ZNF513: variants seen among roughly 807,000 people sequenced by gnomAD.
ZNF513 encodes the protein zinc finger protein 513.
ZNF513 carries 16 observed loss-of-function variants against 39.7 expected under a neutral mutation model. The ratio of observed to expected loss-of-function variants is 0.40; its 90% CI spans 0.27 to 0.61. ZNF513 has a LOEUF of 0.61. Among genes scored for constraint, ZNF513 ranks in the 20% least tolerant of loss-of-function variants. The pLI is 0.39. For missense variants in ZNF513, 699 were observed against 743.6 expected, an observed-to-expected ratio of 0.94 and a Z score of 0.70; for synonymous variants, 348 against 296.5, an observed-to-expected ratio of 1.17 and a Z score of -1.79.
At position 27,378,577 on chromosome 2, in the gene ZNF513, C is replaced by T. The variant is rs560428901; in HGVS notation, c.689G>A (p.Gly230Glu). The T allele has an allele frequency of 1.4e-5, 23 of 1,613,916 alleles. No individual in the cohort carries two copies. The highest frequency in any genetic ancestry group is 1.9e-5 in the Non-Finnish European group (23 of 1,179,996). ...GGTCGGGCAGGGAGGAGTGGGGGGC[C>T]CTGCGTGGGTACGCTGATGCCGCCT... ...NLRRHQRTHA[G>E]PPTPPCPTCG... Residue 230 changes from glycine (G) to glutamate (E), a missense_variant, in exon 3 of 4, where the codon GGG becomes GAG. Gly to Glu is a moderately conservative substitution (Grantham distance 98). This residue lies in a region of ZNF513 where 530 missense variants were observed against 499.3 expected (regional missense o/e 1.06). Transcript: ENST00000323703. This position sits in a 1 kb window ranked among gnomAD's most constrained non-coding sequence, Gnocchi z 8.0.
intron 1 of ZNF513, 55 bp downstream of exon 1, chr2:27,380,417 C>A: frequency 6.3e-7 from 1 of 1,576,614 alleles, no homozygotes; most frequent in Non-Finnish European, 8.6e-7. Context: ...TGACCTGAGC[C>A]CACTCCACTG....
In ZNF513 at chr2:27,378,810, G is replaced by A. The variant is rs1480804121; in HGVS notation, c.456C>T (p.Cys152=). 3.1e-6 allele frequency: 5 copies of A among 1,613,322 alleles called. No homozygotes were observed. The highest frequency in any genetic ancestry group is 2.2e-5 in the East Asian group (1 of 44,834). Residue 152 remains cysteine (C), a synonymous_variant, in exon 3 of 4, where the codon TGC becomes TGT. Coordinates refer to ENST00000323703, the MANE Select transcript of ZNF513 (RefSeq NM_144631.6). The surrounding 1 kb of genome is among the most constrained non-coding windows in gnomAD (Gnocchi z 8.0). ...PLLPPRLLYS[C]RLCTFVSHYS... ...AGTGGGACACGAAGGTGCAGAGGCGGCATGAGTACAGTAGCCGTGGGGGCA... is the reference window on the plus strand; with the variant it reads ...AGTGGGACACGAAGGTGCAGAGGCGACATGAGTACAGTAGCCGTGGGGGCA...
intron 2 of ZNF513, 81 bp downstream of exon 2, chr2:27,380,012 T>C (rs920844949): frequency 5.7e-6 from 9 of 1,565,770 alleles, no homozygotes; most frequent in Non-Finnish European, 7.9e-6. Flanking sequence ...CAGGAAATGG[T>C]GTTCTGTTCA....
rs928720081 is a variant in ZNF513, at chr2:27,380,733, C to G, written c.-207G>C. The G allele has an allele frequency of 5.6e-5, 50 of 885,032 alleles. No individual in the cohort carries two copies. Among genetic ancestry groups the G allele is most frequent in the East Asian group, 1.0e-4 (3 of 29,998 alleles). The allele number at this position is 885,032 out of a possible 1,614,324, so 54.8% of individuals were successfully genotyped here. On this transcript the variant is annotated 5_prime_UTR_variant, in exon 1 of 4. Coordinates refer to ENST00000323703, the MANE Select transcript of ZNF513 (RefSeq NM_144631.6). Reference sequence around the variant, plus strand: ...CCGCCGCTTCCATTCATGGAGCCCCCTACCCCCCTACGGAGACCAGCTGGT... The same window carrying G: ...CCGCCGCTTCCATTCATGGAGCCCCGTACCCCCCTACGGAGACCAGCTGGT...
chr2:27,377,417 C>G lies in ZNF513; in HGVS notation c.*128G>C. On this transcript the variant is annotated 3_prime_UTR_variant, in exon 4 of 4. Coordinates refer to ENST00000323703, the MANE Select transcript of ZNF513 (RefSeq NM_144631.6). The surrounding 1 kb of genome is among the most constrained non-coding windows in gnomAD (Gnocchi z 4.4). Reference sequence around the variant, plus strand: ...CAAGGTCCCCTGGTCCATATGGGCCCCCCCGCCCATGGGGTTGGGCTGGTC... The same window carrying G: ...CAAGGTCCCCTGGTCCATATGGGCCGCCCCGCCCATGGGGTTGGGCTGGTC... The G allele has an allele frequency of 9.6e-7, 1 of 1,041,080 alleles. No homozygotes were observed. Among genetic ancestry groups the G allele is most frequent in the Non-Finnish European group, 1.4e-6 (1 of 691,388 alleles). The allele number at this position is 1,041,080 out of a possible 1,614,324, so 64.5% of individuals were successfully genotyped here.
chr2:27,380,361 G>A (rs1399721836), intron 1 of ZNF513, 111 bp downstream of exon 1: 20 of 1,599,450 alleles, frequency 1.3e-5, no homozygotes, highest in Non-Finnish European at 1.6e-5. Flanking sequence ...TGGGAAGCTA[G>A]GAGTCTGGAT....
chr2:27,377,873 C>T lies in ZNF513; in HGVS notation c.1298G>A (p.Arg433His), dbSNP rs1409868479. The T allele has an allele frequency of 6.2e-7, 1 of 1,614,168 alleles. No homozygotes were observed. The highest frequency in any genetic ancestry group is 8.5e-7 in the Non-Finnish European group (1 of 1,180,038). Residue 433 changes from arginine (R) to histidine (H), a missense_variant, in exon 4 of 4, where the codon CGT becomes CAT. Physicochemically the swap from Arg to His is conservative, Grantham distance 29 (BLOSUM62 0). This residue lies in a region of ZNF513 where 98 missense variants were observed against 180.2 expected (regional missense o/e 0.54). Transcript: ENST00000323703. This position sits in a 1 kb window ranked among gnomAD's most constrained non-coding sequence, Gnocchi z 4.4. ...GTCACCAGAGTGGATGCGACCATGA[C>T]GCTTGAGGTTGGCCAGATTGCCACA... Reference protein sequence around the residue: ...YACGNLANLKRHGRIHSGDKP... With the variant: ...YACGNLANLKHHGRIHSGDKP...
rs1213534945 is a variant in ZNF513 at position 27,377,481 on chromosome 2, C to T, written c.*64G>A. 1.3e-6 allele frequency: 2 copies of T among 1,558,024 alleles called. No homozygotes were observed. The highest frequency in any genetic ancestry group is 1.8e-6 in the Non-Finnish European group (2 of 1,132,968). On this transcript the variant is annotated 3_prime_UTR_variant, in exon 4 of 4. Transcript: ENST00000323703. This position sits in a 1 kb window ranked among gnomAD's most constrained non-coding sequence, Gnocchi z 4.4. The stretch of plus-strand genomic sequence containing the variant: ...CGTTAGTCTGTGTGGAGCCCCTGGC[C>T]AGCGGGGGAGAAAAAGGTGGCTTCT...
Position 27,378,170 on chromosome 2 carries a change from G to A in ZNF513, c.1001C>T (p.Ala334Val). Residue 334 changes from alanine (A) to valine (V), a missense_variant, in exon 4 of 4, where the codon GCC becomes GTC. Physicochemically the swap from Ala to Val is moderately conservative, Grantham distance 64. Transcript: ENST00000323703. The surrounding 1 kb of genome is among the most constrained non-coding windows in gnomAD (Gnocchi z 8.0). ...EEGEGSRLGA[A>V]MCGRCMRGEA... is the part of the protein sequence containing the mutation. ...TCCTCGCATGCAGCGCCCACACATG[G>A]CAGCTCCCAGCCGACTACCCTCACC... The A allele has an allele frequency of 6.2e-7, 1 of 1,612,484 alleles. No homozygotes were observed. Among genetic ancestry groups the A allele is most frequent in the African/African-American group, 1.3e-5 (1 of 75,036 alleles).
chr2:27,380,382 A>C, intron 1 of ZNF513, 90 bp downstream of exon 1: 1 of 1,582,202 alleles, frequency 6.3e-7, no homozygotes, highest in Non-Finnish European at 8.6e-7. Context: ...CGCCCACTTC[A>C]TCCCTCAGGA....
In ZNF513 at chr2:27,377,500, G is replaced by A. The variant is rs766816771; in HGVS notation, c.*45C>T. On this transcript the variant is annotated 3_prime_UTR_variant, in exon 4 of 4. Coordinates refer to ENST00000323703, the MANE Select transcript of ZNF513 (RefSeq NM_144631.6). This position sits in a 1 kb window ranked among gnomAD's most constrained non-coding sequence, Gnocchi z 4.4. The stretch of plus-strand genomic sequence containing the variant: ...CCTGGCCAGCGGGGGAGAAAAAGGT[G>A]GCTTCTGGTCCGTCTGTATAAAACA... 7 of 1,601,864 alleles carry A rather than the reference G, an allele frequency of 4.4e-6. No homozygotes were observed. The South Asian group carries it at 7.7e-5, about 18-fold the overall frequency.
chr2:27,377,673 C>T lies in ZNF513; in HGVS notation c.1498G>A (p.Gly500Arg). 1 of 1,614,180 alleles carries T rather than the reference C, an allele frequency of 6.2e-7. No homozygotes were observed. The highest frequency in any genetic ancestry group is 8.5e-7 in the Non-Finnish European group (1 of 1,180,040). The stretch of plus-strand genomic sequence containing the variant: ...TCAGAGGCAGAGAGACCAGGCCCTC[C>T]TGCCCCACCGTGGCCATGCACCTTC... Reference protein sequence around the residue: ...HQKVHGHGGAGGPGLSASEGW... With the variant: ...HQKVHGHGGARGPGLSASEGW... The change falls in exon 4 of 4, where the codon GGA becomes AGA. Residue 500 changes from glycine to arginine, a missense_variant. Gly to Arg is a moderately radical substitution (Grantham distance 125, BLOSUM62 -2). Transcript: ENST00000323703. The surrounding 1 kb of genome is among the most constrained non-coding windows in gnomAD (Gnocchi z 4.4).
At chr2:27,380,038 G>C in intron 2 of ZNF513, 55 bp downstream of exon 2, 2 of 1,612,410 alleles carry the variant, frequency 1.2e-6, no homozygotes, top group Non-Finnish European at 1.7e-6. Context: ...CCTGCCTCCT[G>C]AAGGGCTGGG....
chr2:27,378,179 AGCC>A lies in ZNF513; in HGVS notation c.989_991del (p.Arg330del). 6.2e-7 allele frequency: 1 copy of A among 1,611,862 alleles called. No individual in the cohort carries two copies. Among genetic ancestry groups the A allele is most frequent in the Non-Finnish European group, 8.5e-7 (1 of 1,179,924 alleles). ...GCAGCGCCCACACATGGCAGCTCCC[AGCC>A]GACTACCCTCACCCTCCTCCAGCTC... On this transcript the variant is annotated inframe_deletion, in exon 4 of 4. Transcript: ENST00000323703. This position sits in a 1 kb window ranked among gnomAD's most constrained non-coding sequence, Gnocchi z 8.0.
At chr2:27,379,151 C>A in intron 2 of ZNF513, 97 bp from the exon 3 acceptor site, 1 of 1,217,188 alleles carries the variant, frequency 8.2e-7, no homozygotes. Flanking sequence ...TGCTTGGCTC[C>A]ACCCTTAGCT....
chr2:27,378,303 C>T lies in ZNF513; in HGVS notation c.868G>A (p.Gly290Arg), dbSNP rs1683441848. Residue 290 changes from glycine (G) to arginine (R), a missense_variant, in exon 4 of 4, where the codon GGG becomes AGG. By Grantham distance (125) the Gly-to-Arg change is moderately radical. This residue lies in a region of ZNF513 where 530 missense variants were observed against 499.3 expected (regional missense o/e 1.06). Transcript: ENST00000323703. The surrounding 1 kb of genome is among the most constrained non-coding windows in gnomAD (Gnocchi z 8.0). ...PGGASFLPDC[G>R]QLRGEGEGLC... ...CCCTCCCCTTCACCCCGCAGCTGCC[C>T]ACAGTCTGGCAGGAAACTGGCACCA... 6.2e-7 allele frequency: 1 copy of T among 1,600,852 alleles called. No homozygotes were observed. The highest frequency in any genetic ancestry group is 1.1e-5 in the South Asian group (1 of 91,096).
rs530824832 is a variant in ZNF513 at position 27,380,617 on chromosome 2, G to A, written c.-91C>T. 4,911 of 1,499,308 alleles carry A rather than the reference G, an allele frequency of 3.3e-3. 15 individuals are homozygous for A. Among genetic ancestry groups the A allele is most frequent in the Non-Finnish European group, 4.1e-3 (4,552 of 1,123,182 alleles). The allele number at this position is 1,499,308 out of a possible 1,614,324, so 92.9% of individuals were successfully genotyped here. On this transcript the variant is annotated 5_prime_UTR_variant, in exon 1 of 4. Transcript: ENST00000323703. ...GCCCGCCTGTCTGCCCTTCCTCTCA[G>A]GGCCCGCGGGCCGCCCCCATGCAGC...
At position 27,379,001 on chromosome 2, in the gene ZNF513, A is replaced by T. The variant is rs772723764; in HGVS notation, c.265T>A (p.Ser89Thr). 10 of 1,612,816 alleles carry T rather than the reference A, an allele frequency of 6.2e-6. No homozygotes were observed. Among genetic ancestry groups the T allele is most frequent in the Non-Finnish European group, 8.5e-6 (10 of 1,179,930 alleles). Reference protein sequence around the residue: ...GLPYGLSDDESGGGRALSAES... With the variant: ...GLPYGLSDDETGGGRALSAES... ...GCACTTAGTGCCCGGCCGCCCCCAG[A>T]CTCATCGTCGCTCAGCCCATAGGGA... The change falls in exon 3 of 4, where the codon TCT becomes ACT. Residue 89 changes from serine (S) to threonine (T), a missense_variant. Physicochemically the swap from Ser to Thr is moderately conservative, Grantham distance 58 (BLOSUM62 1). Around this residue, in one of 3 missense-constraint regions of ZNF513, gnomAD observed 530 missense variants for 499.3 expected, o/e 1.06. Transcript: ENST00000323703.
Position 27,377,309 on chromosome 2 carries a change from G to C in ZNF513, c.*236C>G, listed in dbSNP as rs1683350733. ...AGGTGGGAGGCTGGGCAGTCCCCCA[G>C]CCGGTTTGTCCACAGCCCCTGGGGG... On this transcript the variant is annotated 3_prime_UTR_variant, in exon 4 of 4. Coordinates refer to ENST00000323703, the MANE Select transcript of ZNF513 (RefSeq NM_144631.6). The surrounding 1 kb of genome is among the most constrained non-coding windows in gnomAD (Gnocchi z 4.4). 1 of 656,456 alleles carries C rather than the reference G, an allele frequency of 1.5e-6. No individual in the cohort carries two copies. Among genetic ancestry groups the C allele is most frequent in the Admixed American group, 2.5e-5 (1 of 40,566 alleles). 40.7% of individuals were successfully genotyped at this position (656,456 alleles called of 1,614,324 possible). A position where few individuals can be genotyped will look rare whatever the true frequency, so the allele number is the denominator to read the frequency against.
Sources: allele counts gnomAD v4.1 joint callset, GRCh38; gene constraint gnomAD v4.1.1; regional missense constraint gnomAD v4.1.1; non-coding constraint Gnocchi (gnomAD v3.1); transcripts MANE v1.5; gene names NCBI Gene and HGNC (gene_info 2026-07-23, HGNC 2026-07-21).